NOX3: variants seen among roughly 807,000 people sequenced by gnomAD.
NOX3 encodes NADPH oxidase catalytic subunit-like 3.
NOX3 carries 74 observed loss-of-function variants against 76.7 expected under a neutral mutation model. That is an observed-to-expected ratio of 0.96 (90% CI 0.80 to 1.17). The LOEUF (loss-of-function observed/expected upper bound fraction) is 1.17, where lower values mean the gene tolerates loss of function less well. Ranked by LOEUF, NOX3 falls within the 50% of genes most tolerant of loss-of-function variation. The pLI is 0.00. For synonymous variants in NOX3, 263 were observed against 261.1 expected, an observed-to-expected ratio of 1.01 and a Z score of -0.07; for missense variants, 695 against 703.3, an observed-to-expected ratio of 0.99 and a Z score of 0.13.
intron 6 of NOX3, among the ~76,000 whole-genome samples, chr6:155,437,869 G>A (rs1299182439): frequency 6.6e-6 from 1 of 152,214 alleles, no homozygotes; most frequent in East Asian, 1.9e-4. Context: ...TTGGCACTTT[G>A]TGTAGAATTT....
intron 5 of NOX3, among the ~76,000 whole-genome samples, chr6:155,441,138 T>C (rs1211039769): frequency 6.6e-6 from 1 of 152,224 alleles, no homozygotes; most frequent in Non-Finnish European, 1.5e-5. Context: ...TTATTTTCAT[T>C]GTGAGTTTCC....
intron 10 of NOX3, among the ~76,000 whole-genome samples, chr6:155,413,639 C>A (rs1238448118): frequency 1.3e-5 from 2 of 152,130 alleles, no homozygotes; most frequent in African/African-American, 2.4e-5. Context: ...CTTTGAAAAC[C>A]TTAGCTTTCA....
intron 7 of NOX3, among the ~76,000 whole-genome samples, chr6:155,432,214 A>G (rs1776843730): frequency 6.6e-6 from 1 of 152,142 alleles, no homozygotes; most frequent in Non-Finnish European, 1.5e-5. Context: ...TATTGGGAAC[A>G]TTCAATATCC....
intron 3 of NOX3, 56 bp downstream of exon 3, chr6:155,454,755 C>T: frequency 1.0e-6 from 1 of 998,938 alleles, no homozygotes; most frequent in African/African-American, 1.7e-5. Flanking sequence ...TTTTCAATGG[C>T]ACTTATATGA....
In NOX3 at chr6:155,422,872, A is replaced by G; in HGVS notation, c.1146-16T>C. 1 of 1,613,730 alleles carries G rather than the reference A, an allele frequency of 6.2e-7. No individual in the cohort carries two copies. Among genetic ancestry groups the G allele is most frequent in the Non-Finnish European group, 8.5e-7 (1 of 1,179,722 alleles). Reference sequence around the variant, plus strand: ...CACTGCCAGCCTGGAATCATAGAGGAATGCAGCCTATTTGACCTTCAGAAC... The same window carrying G: ...CACTGCCAGCCTGGAATCATAGAGGGATGCAGCCTATTTGACCTTCAGAAC... On this transcript the variant is annotated splice_polypyrimidine_tract_variant and intron_variant, in intron 9 of 13. Transcript: ENST00000159060.
chr6:155,411,892 T>C (rs1170914089), intron 10 of NOX3, among the ~76,000 whole-genome samples: 1 of 152,168 alleles, frequency 6.6e-6, no homozygotes, highest in Non-Finnish European at 1.5e-5. Context: ...CAGTGAAACA[T>C]ATCGGTGTCC....
intron 10 of NOX3, among the ~76,000 whole-genome samples, chr6:155,413,089 A>G (rs978766218): frequency 6.6e-6 from 1 of 152,180 alleles, no homozygotes; most frequent in African/African-American, 2.4e-5. Context: ...GAGACATAGG[A>G]GGCATTCAAC....
At chr6:155,453,604 T>C (rs1777174563) in intron 3 of NOX3, 116 bp from the exon 4 acceptor site, 2 of 791,752 alleles carry the variant, frequency 2.5e-6, no homozygotes, top group Admixed American at 2.0e-5. Flanking sequence ...AGTGGGGCTA[T>C]GTGACACAAA....
intron 10 of NOX3, among the ~76,000 whole-genome samples, chr6:155,418,297 G>A (rs1380904212): frequency 6.6e-6 from 1 of 151,992 alleles, no homozygotes; most frequent in Non-Finnish European, 1.5e-5. Context: ...AGGAGGTGGA[G>A]GACTTTATTG....
chr6:155,402,076 T>C (rs1779238132), intron 12 of NOX3, among the ~76,000 whole-genome samples: 1 of 152,226 alleles, frequency 6.6e-6, no homozygotes, highest in African/African-American at 2.4e-5. Context: ...TTTCATTCTG[T>C]CTACCTTCTT....
At chr6:155,424,582 G>C (rs1388693308) in intron 9 of NOX3, among the ~76,000 whole-genome samples, 1 of 152,160 alleles carries the variant, frequency 6.6e-6, no homozygotes, top group Non-Finnish European at 1.5e-5. Flanking sequence ...GTTCAATTGG[G>C]TTTATTTTAA....
intron 7 of NOX3, among the ~76,000 whole-genome samples, chr6:155,435,116 G>C (rs1776884260): frequency 6.6e-6 from 1 of 152,152 alleles, no homozygotes; most frequent in Non-Finnish European, 1.5e-5. Context: ...TTTGAATCAG[G>C]ATCCATTACA....
chr6:155,423,663 C>T (rs111458319), intron 9 of NOX3, among the ~76,000 whole-genome samples: 2,587 of 152,114 alleles, frequency 0.017, 76 homozygotes, highest in African/African-American at 0.052. Context: ...GTACTCCCTA[C>T]TGCCACACGG....
chr6:155,422,929 C>G (rs1582935714), intron 9 of NOX3, 73 bp from the exon 10 acceptor site: 4 of 1,515,796 alleles, frequency 2.6e-6, no homozygotes, highest in Middle Eastern at 4.0e-4. Context: ...CCATCCGGAG[C>G]TGGTGCTTTT....
intron 9 of NOX3, among the ~76,000 whole-genome samples, chr6:155,423,985 C>T (rs1008323007): frequency 6.6e-6 from 1 of 152,150 alleles, no homozygotes; most frequent in African/African-American, 2.4e-5. Context: ...TCATGATCCG[C>T]TCACCTCGGC....
intron 8 of NOX3, among the ~76,000 whole-genome samples, chr6:155,429,678 C>T (rs1027122330): frequency 6.6e-6 from 1 of 152,156 alleles, no homozygotes; most frequent in Non-Finnish European, 1.5e-5. Flanking sequence ...TGACTTACTG[C>T]TTATCAGAGG....
intron 10 of NOX3, 65 bp from the exon 11 acceptor site, chr6:155,411,425 T>A: frequency 7.0e-7 from 1 of 1,434,354 alleles, no homozygotes; most frequent in Non-Finnish European, 9.4e-7. Context: ...AATCACAGAC[T>A]ACTTTATCTC....
Position 155,422,868 on chromosome 6 carries a change from G to C in NOX3, c.1146-12C>G. 6.2e-7 allele frequency: 1 copy of C among 1,613,808 alleles called. No homozygotes were observed. Among genetic ancestry groups the C allele is most frequent in the Non-Finnish European group, 8.5e-7 (1 of 1,179,750 alleles). On this transcript the variant is annotated splice_polypyrimidine_tract_variant and intron_variant, in intron 9 of 13. Transcript: ENST00000159060. Reference sequence around the variant, plus strand: ...CGTCCACTGCCAGCCTGGAATCATAGAGGAATGCAGCCTATTTGACCTTCA... The same window carrying C: ...CGTCCACTGCCAGCCTGGAATCATACAGGAATGCAGCCTATTTGACCTTCA...
intron 6 of NOX3, among the ~76,000 whole-genome samples, chr6:155,437,759 A>G (rs1776930731): frequency 6.6e-6 from 1 of 152,234 alleles, no homozygotes; most frequent in Non-Finnish European, 1.5e-5. Flanking sequence ...CAAATGCTGT[A>G]TCTTTTAAAC....
Sources: allele counts gnomAD v4.1 joint callset (sites outside exome capture counted in the v4.1 genomes callset), GRCh38; gene constraint gnomAD v4.1.1; transcripts MANE v1.5; gene names NCBI Gene and HGNC (gene_info 2026-07-23, HGNC 2026-07-21).